The following SIDT1 variants were observed in gnomAD, a reference collection of about 807,000 sequenced individuals.
The protein encoded by SIDT1 is SID1 transmembrane family, member 1.
In SIDT1, 101 loss-of-function variants were observed where a neutral mutation model predicts 107.5. The observed-to-expected ratio is 0.94, with a 90% CI of 0.80 to 1.11. The LOEUF is 1.11. Ranked by LOEUF, SIDT1 falls within the 50% of genes least tolerant of loss-of-function variation. SIDT1 has a pLI of 0.00. For synonymous variants in SIDT1, 395 were observed against 398.2 expected, an observed-to-expected ratio of 0.99 and a Z score of 0.10; for missense variants, 1,076 against 1,058.2, an observed-to-expected ratio of 1.02 and a Z score of -0.23.
At position 113,612,216 on chromosome 3, in the gene SIDT1, T is replaced by C. The variant is rs546760047; in HGVS notation, c.1966+22T>C. 1.8e-5 allele frequency: 27 copies of C among 1,493,590 alleles called. No homozygotes were observed. In the South Asian group the frequency reaches 2.0e-4, roughly 11 times the overall value. The allele number at this position is 1,493,590 out of a possible 1,614,324, so 92.5% of individuals were successfully genotyped here. On this transcript the variant is annotated intron_variant, in intron 19 of 24. Transcript: ENST00000264852. The stretch of plus-strand genomic sequence containing the variant: ...ATAGGTGAGTCACCTGTTAATTCTA[T>C]ACTAATCACACGAATCAACTTTAAT...
At chr3:113,618,473 A>C (rs554722753) in intron 20 of SIDT1, among the ~76,000 whole-genome samples, 1 of 152,228 alleles carries the variant, frequency 6.6e-6, no homozygotes, top group Admixed American at 6.5e-5. Context: ...CATGGCAATC[A>C]TAAGTTTAGT....
At chr3:113,539,240 A>T (rs1446859703) in intron 1 of SIDT1, among the ~76,000 whole-genome samples, 1 of 152,182 alleles carries the variant, frequency 6.6e-6, no homozygotes, top group African/African-American at 2.4e-5. Context: ...AACATATCTG[A>T]TATATTTTAT....
intron 1 of SIDT1, 82 bp from the exon 2 acceptor site, chr3:113,566,338 T>TTG (rs55802002): frequency 0.023 from 24,671 of 1,088,940 alleles, 158 homozygotes; most frequent in African/African-American, 0.071. Flanking sequence ...TTGTGTGTGT[T>TTG]TGTGTGTGTG....
chr3:113,565,330 G>A (rs1479908823), intron 1 of SIDT1, among the ~76,000 whole-genome samples: 1 of 152,028 alleles, frequency 6.6e-6, no homozygotes, highest in Non-Finnish European at 1.5e-5. Context: ...TCAGCAGTTC[G>A]AGACCAGCCT....
intron 1 of SIDT1, among the ~76,000 whole-genome samples, chr3:113,561,998 G>T (rs1365985368): frequency 6.6e-6 from 1 of 152,172 alleles, no homozygotes; most frequent in Non-Finnish European, 1.5e-5. Context: ...GCTATATAAT[G>T]CTGGTGAGTG....
At chr3:113,636,908 A>C in the SIDT1 span, among the ~76,000 whole-genome samples, 1 of 152,190 alleles carries the variant, frequency 6.6e-6, no homozygotes, top group East Asian at 1.9e-4. Context: ...TACATTTAAA[A>C]CCTCATTTGT....
At chr3:113,612,236 T>A (rs1945809463) in intron 19 of SIDT1, 42 bp downstream of exon 19, 1 of 1,407,946 alleles carries the variant, frequency 7.1e-7, no homozygotes, top group Non-Finnish European at 1.0e-6. Context: ...ACGAATCAAC[T>A]TTAATGAAAA....
chr3:113,556,821 C>CTTTTTTTTTTTTTTTTTTTTT (rs61672960), intron 1 of SIDT1, among the ~76,000 whole-genome samples: 1 of 107,636 alleles, frequency 9.3e-6, no homozygotes, highest in Non-Finnish European at 1.8e-5. Context: ...GTTTCTTTTT[C>CTTTTTTTTTTTTTTTTTTTTT]TTTTTTTTTT....
intron 21 of SIDT1, 88 bp downstream of exon 21, chr3:113,619,814 GA>G: frequency 8.2e-7 from 1 of 1,225,116 alleles, no homozygotes; most frequent in Middle Eastern, 1.9e-4. Context: ...TTTTTACAAA[GA>G]AATCTGAAAT....
intron 1 of SIDT1, among the ~76,000 whole-genome samples, chr3:113,544,697 G>A (rs544147917): frequency 2.6e-5 from 4 of 152,154 alleles, no homozygotes; most frequent in Non-Finnish European, 4.4e-5. Flanking sequence ...TTAGTGCGTC[G>A]TATCAGGGGC....
chr3:113,611,948 G>A (rs913285411), intron 18 of SIDT1, 138 bp from the exon 19 acceptor site: 2 of 622,396 alleles, frequency 3.2e-6, no homozygotes, highest in African/African-American at 1.9e-5. Flanking sequence ...TAAGATCCAT[G>A]GGAGTTTCCA....
chr3:113,549,625 T>C (rs1051505511), intron 1 of SIDT1, among the ~76,000 whole-genome samples: 1 of 152,228 alleles, frequency 6.6e-6, no homozygotes, highest in Non-Finnish European at 1.5e-5. Context: ...AGAAGAGTTC[T>C]TTGTAGATTT....
intron 1 of SIDT1, among the ~76,000 whole-genome samples, chr3:113,558,468 T>A (rs1226845272): frequency 6.6e-6 from 1 of 152,206 alleles, no homozygotes; most frequent in Non-Finnish European, 1.5e-5. Flanking sequence ...TGAAGTTTTT[T>A]AAATGCTATC....
intron 14 of SIDT1, 146 bp downstream of exon 14, chr3:113,605,122 C>CTATTTTTTTTTT: frequency 1.6e-5 from 5 of 306,982 alleles, no homozygotes; most frequent in Admixed American, 7.0e-5. Context: ...CTATTGCTTC[C>CTATTTTTTTTTT]TCTTTTTTTT....
chr3:113,619,583 G>A, intron 20 of SIDT1, 97 bp from the exon 21 acceptor site: 1 of 1,013,734 alleles, frequency 9.9e-7, no homozygotes, highest in Non-Finnish European at 1.5e-6. Context: ...TTTCACCAAT[G>A]CAATTGTTTT....
At chr3:113,568,463 G>A (rs1437985053) in intron 3 of SIDT1, among the ~76,000 whole-genome samples, 8 of 151,730 alleles carry the variant, frequency 5.3e-5, no homozygotes, top group South Asian at 4.2e-4. Context: ...GCACGGTGGC[G>A]GGCACCTGTA....
intron 9 of SIDT1, among the ~76,000 whole-genome samples, chr3:113,586,202 G>C (rs1943730179): frequency 6.6e-6 from 1 of 152,158 alleles, no homozygotes; most frequent in Non-Finnish European, 1.5e-5. Flanking sequence ...AAAAACAGTA[G>C]ATGACTGCTG....
At position 113,547,325 on chromosome 3, in the gene SIDT1, C is replaced by T. The variant is rs372887217; in HGVS notation, c.222+14082C>T. Among the ~76,000 whole-genome samples the T allele has an allele frequency of 2.6e-5, 4 of 152,088 alleles. No homozygotes were observed. In the East Asian group the frequency reaches 5.8e-4, roughly 22 times the overall value. On this transcript the variant is annotated intron_variant, in intron 1 of 24. Coordinates refer to ENST00000264852, the MANE Select transcript of SIDT1 (RefSeq NM_017699.3). ...GTTCCTGTAGAGGAATGTTCTTATTCATATGTGGAGGCTAAAAAAGTTGAT... is the reference window on the plus strand; with the variant it reads ...GTTCCTGTAGAGGAATGTTCTTATTTATATGTGGAGGCTAAAAAAGTTGAT...
intron 23 of SIDT1, among the ~76,000 whole-genome samples, chr3:113,625,068 T>C (rs1946750504): frequency 6.6e-6 from 1 of 151,656 alleles, no homozygotes; most frequent in South Asian, 2.1e-4. Context: ...TGATTTCTTT[T>C]CTTTTGGATA....
Sources: gnomAD v4.1 joint callset for allele counts (sites outside exome capture counted in the v4.1 genomes callset) on GRCh38, gnomAD v4.1.1 for gene constraint, MANE v1.5 for transcripts, NCBI Gene and HGNC (gene_info 2026-07-23, HGNC 2026-07-21) for gene names.